GALNT17: variants seen among roughly 807,000 people sequenced by gnomAD.
GALNT17 encodes the protein polypeptide N-acetylgalactosaminyltransferase 17.
In GALNT17, 29 loss-of-function variants were observed where a neutral mutation model predicts 63.7. The observed-to-expected ratio is 0.46, with a 90% CI of 0.34 to 0.62. The LOEUF is 0.62. Ranked by LOEUF, GALNT17 falls within the 20% of genes least tolerant of loss-of-function variation. GALNT17 has a pLI of 0.01. For missense variants in GALNT17, 603 were observed against 799.6 expected (o/e 0.75, Z 2.97); for synonymous variants, 305 against 318.3 (o/e 0.96, Z 0.45).
chr7:71,470,903 C>T (rs144805716), intron 5 of GALNT17, among the ~76,000 whole-genome samples: 105 of 152,024 alleles, frequency 6.9e-4, no homozygotes, highest in Non-Finnish European at 1.3e-3. Context: ...GGAATCTTGC[C>T]CATCTGATTC....
At chr7:71,452,685 G>A (rs1392353027) in intron 5 of GALNT17, among the ~76,000 whole-genome samples, 1 of 152,186 alleles carries the variant, frequency 6.6e-6, no homozygotes, top group Non-Finnish European at 1.5e-5. Context: ...TTGCTTCCTT[G>A]GTTTGTTCCT....
chr7:71,356,812 C>T (rs930133594), intron 2 of GALNT17, among the ~76,000 whole-genome samples: 1 of 152,026 alleles, frequency 6.6e-6, no homozygotes, highest in Non-Finnish European at 1.5e-5. Flanking sequence ...GATGGTGTCT[C>T]ACTGTGTCAC....
intron 2 of GALNT17, among the ~76,000 whole-genome samples, chr7:71,375,580 A>T (rs546165210): frequency 6.6e-6 from 1 of 152,224 alleles, no homozygotes. Context: ...CACCATGCCT[A>T]TCTAATTTAT....
intron 2 of GALNT17, among the ~76,000 whole-genome samples, chr7:71,360,761 C>T (rs55912227): frequency 0.2 from 29,971 of 151,952 alleles, 3,091 homozygotes; most frequent in East Asian, 0.4. Flanking sequence ...GGCAAAACCC[C>T]GTCTCTACTA....
At chr7:71,352,349 C>T (rs1475027228) in intron 2 of GALNT17, among the ~76,000 whole-genome samples, 3 of 152,212 alleles carry the variant, frequency 2.0e-5, no homozygotes, top group East Asian at 3.9e-4. Flanking sequence ...ATGTCTTTAT[C>T]AGCAACATGA....
chr7:71,278,410 G>A (rs1790719761), intron 1 of GALNT17, among the ~76,000 whole-genome samples: 1 of 152,182 alleles, frequency 6.6e-6, no homozygotes, highest in Admixed American at 6.5e-5. Context: ...TAGCTTCCAG[G>A]TTCTGGTGTT....
At chr7:71,665,701 C>A in intron 7 of GALNT17, 105 bp downstream of exon 7, 1 of 1,348,790 alleles carries the variant, frequency 7.4e-7, no homozygotes, top group Non-Finnish European at 1.0e-6. Flanking sequence ...AATGCTCATG[C>A]TTAGAAAAAT....
chr7:71,602,141 T>C (rs994780490), intron 6 of GALNT17, among the ~76,000 whole-genome samples: 3 of 152,216 alleles, frequency 2.0e-5, no homozygotes, highest in African/African-American at 7.2e-5. Flanking sequence ...CTTATGATCT[T>C]TTCAGGAAGG....
chr7:71,596,295 C>T (rs1424095985), intron 6 of GALNT17, among the ~76,000 whole-genome samples: 8 of 151,834 alleles, frequency 5.3e-5, no homozygotes, highest in Admixed American at 5.2e-4. Flanking sequence ...ACCTTGGCCT[C>T]CCAAAGTGCT....
chr7:71,296,162 A>G (rs1791075725), intron 1 of GALNT17, among the ~76,000 whole-genome samples: 1 of 152,142 alleles, frequency 6.6e-6, no homozygotes, highest in South Asian at 2.1e-4. Flanking sequence ...CATCACCATT[A>G]GTAATTATCT....
chr7:71,401,315 T>C (rs574271161), intron 3 of GALNT17, among the ~76,000 whole-genome samples: 60 of 152,288 alleles, frequency 3.9e-4, no homozygotes, highest in Non-Finnish European at 7.4e-4. Flanking sequence ...CAGGCTGGTC[T>C]CGAACTTCTG....
intron 5 of GALNT17, among the ~76,000 whole-genome samples, chr7:71,466,576 C>G (rs1417886023): frequency 6.6e-6 from 1 of 152,086 alleles, no homozygotes; most frequent in East Asian, 1.9e-4. Flanking sequence ...CTTCCTAGGT[C>G]TTTCCTGGAG....
chr7:71,604,962 C>A, intron 6 of GALNT17, among the ~76,000 whole-genome samples: 1 of 152,134 alleles, frequency 6.6e-6, no homozygotes, highest in East Asian at 1.9e-4. Context: ...GTGTCCTATC[C>A]ATTTTTCTGG....
chr7:71,593,285 A>G (rs1396166025), intron 6 of GALNT17, among the ~76,000 whole-genome samples: 1 of 54,384 alleles, frequency 1.8e-5, no homozygotes, highest in Admixed American at 2.7e-4. Context: ...TTTTTTTTTG[A>G]GACAGGAGTC....
At chr7:71,350,118 G>C (rs1442417049) in intron 2 of GALNT17, among the ~76,000 whole-genome samples, 1 of 152,082 alleles carries the variant, frequency 6.6e-6, no homozygotes. Context: ...AAAATTGATG[G>C]AAATTATTTA....
intron 6 of GALNT17, among the ~76,000 whole-genome samples, chr7:71,637,743 C>T (rs1249770372): frequency 2.0e-5 from 3 of 152,102 alleles, no homozygotes; most frequent in Non-Finnish European, 4.4e-5. Flanking sequence ...TGTACGCTGT[C>T]GCTGTGCTCA....
intron 8 of GALNT17, among the ~76,000 whole-genome samples, chr7:71,674,431 G>GA (rs988005497): frequency 6.6e-6 from 1 of 150,902 alleles, no homozygotes; most frequent in Non-Finnish European, 1.5e-5. Flanking sequence ...CTATAGCCAA[G>GA]AACTCCTCTG....
intron 1 of GALNT17, among the ~76,000 whole-genome samples, chr7:71,335,130 A>G (rs544205958): frequency 1.3e-5 from 2 of 151,838 alleles, no homozygotes; most frequent in South Asian, 4.2e-4. Context: ...ATTCTTTTAT[A>G]TTTATTTATT....
At chr7:71,530,554 ATTTATTTATTTATT>A (rs1788701923) in intron 5 of GALNT17, among the ~76,000 whole-genome samples, 1 of 75,974 alleles carries the variant, frequency 1.3e-5, no homozygotes, top group Non-Finnish European at 3.1e-5. Flanking sequence ...TTATTTATTT[ATTTATTTATTTATT>A]TATTTATTTA....
Sources: allele counts gnomAD v4.1 joint callset (sites outside exome capture counted in the v4.1 genomes callset), GRCh38; gene constraint gnomAD v4.1.1; transcripts MANE v1.5; gene names NCBI Gene and HGNC (gene_info 2026-07-23, HGNC 2026-07-21).